RNF180: variants seen among roughly 807,000 people sequenced by gnomAD.
The protein encoded by RNF180 is ring finger protein 180, also known as E3 ubiquitin-protein ligase RNF180.
RNF180 carries 38 observed loss-of-function variants against 59.2 expected under a neutral mutation model. That is an observed-to-expected ratio of 0.64 (90% CI 0.50 to 0.84). The LOEUF (loss-of-function observed/expected upper bound fraction) is 0.84. Among genes scored for constraint, RNF180 ranks in the 40% least tolerant of loss-of-function variants. The pLI, the probability that RNF180 is intolerant of heterozygous loss-of-function variation, is 0.00. For synonymous variants in RNF180, 262 were observed against 240.3 expected (o/e 1.09, Z -0.84); for missense variants, 705 against 700.9 (o/e 1.01, Z -0.07).
chr5:64,282,957 G>T (rs986588458), intron 5 of RNF180, among the ~76,000 whole-genome samples: 3 of 152,212 alleles, frequency 2.0e-5, no homozygotes, highest in African/African-American at 7.2e-5. Context: ...ATATGCAGAT[G>T]TGAAAACTTC....
At chr5:64,342,030 C>G (rs1745372540) in intron 7 of RNF180, among the ~76,000 whole-genome samples, 1 of 152,026 alleles carries the variant, frequency 6.6e-6, no homozygotes. Flanking sequence ...TGACCTGATT[C>G]TGAGTACAAC....
At chr5:64,216,162 C>A (rs1752612075) in intron 4 of RNF180, among the ~76,000 whole-genome samples, 1 of 152,082 alleles carries the variant, frequency 6.6e-6, no homozygotes. Flanking sequence ...CAAACAAATA[C>A]CCAGTGTTTA....
intron 7 of RNF180, among the ~76,000 whole-genome samples, chr5:64,336,994 T>C (rs1745151014): frequency 1.5e-5 from 2 of 137,318 alleles, no homozygotes; most frequent in Non-Finnish European, 3.2e-5. Flanking sequence ...GATTTTCTTT[T>C]TTTGTTGTTG....
chr5:64,354,923 C>A (rs1183729485), intron 7 of RNF180, among the ~76,000 whole-genome samples: 1 of 151,858 alleles, frequency 6.6e-6, no homozygotes, highest in Non-Finnish European at 1.5e-5. Flanking sequence ...AAGACTGCTT[C>A]AACATGACAC....
intron 5 of RNF180, among the ~76,000 whole-genome samples, chr5:64,268,486 G>C: frequency 6.6e-6 from 1 of 152,030 alleles, no homozygotes; most frequent in South Asian, 2.1e-4. Flanking sequence ...GCATAGAGGG[G>C]CAAGAACCTA....
chr5:64,302,326 T>G (rs915725938), intron 5 of RNF180, among the ~76,000 whole-genome samples: 2 of 151,590 alleles, frequency 1.3e-5, no homozygotes, highest in African/African-American at 2.4e-5. Flanking sequence ...GTAGGGATAT[T>G]TATTTATTTA....
At chr5:64,265,367 G>A (rs58322417) in intron 5 of RNF180, among the ~76,000 whole-genome samples, 43,106 of 151,894 alleles carry the variant, frequency 0.28, 6,346 homozygotes, top group African/African-American at 0.35. Context: ...TCAGTCTTAC[G>A]TTTAGGTCTT....
intron 7 of RNF180, among the ~76,000 whole-genome samples, chr5:64,335,898 TTATC>T (rs1745105508): frequency 1.3e-5 from 2 of 152,208 alleles, no homozygotes; most frequent in Non-Finnish European, 2.9e-5. Flanking sequence ...TCAGTGTTGT[TTATC>T]TCTTCATTTG....
At chr5:64,250,604 G>T (rs1743505790) in intron 5 of RNF180, among the ~76,000 whole-genome samples, 1 of 151,792 alleles carries the variant, frequency 6.6e-6, no homozygotes, top group Admixed American at 6.6e-5. Context: ...AACATACAGA[G>T]GATCATAAGA....
chr5:64,231,461 A>T (rs1742096422), intron 5 of RNF180, among the ~76,000 whole-genome samples: 1 of 152,204 alleles, frequency 6.6e-6, no homozygotes, highest in Non-Finnish European at 1.5e-5. Context: ...CACACTCTTT[A>T]TTTATCCTCA....
At chr5:64,206,247 C>G (rs1752011523) in intron 2 of RNF180, among the ~76,000 whole-genome samples, 1 of 152,164 alleles carries the variant, frequency 6.6e-6, no homozygotes. Flanking sequence ...CCAAATTCTA[C>G]TGGGTTCAGA....
intron 1 of RNF180, among the ~76,000 whole-genome samples, chr5:64,188,782 G>A (rs1303742308): frequency 6.6e-5 from 10 of 152,068 alleles, no homozygotes; most frequent in Non-Finnish European, 2.9e-5. Flanking sequence ...ATAAACATGA[G>A]CATTCTAATA....
intron 7 of RNF180, among the ~76,000 whole-genome samples, chr5:64,337,133 A>G (rs1424999480): frequency 3.3e-5 from 5 of 150,168 alleles, no homozygotes; most frequent in Admixed American, 6.6e-5. Flanking sequence ...CCCACCTCAG[A>G]CTCCTGAGTA....
intron 5 of RNF180, among the ~76,000 whole-genome samples, chr5:64,289,842 TG>T (rs1372667885): frequency 6.6e-6 from 1 of 152,096 alleles, no homozygotes; most frequent in African/African-American, 2.4e-5. Context: ...AACCATCTCT[TG>T]GATTTGTTTA....
In RNF180 at chr5:64,333,325, G is replaced by A. The variant is rs566375032; in HGVS notation, c.1579+2919G>A. 1.5e-3 allele frequency among the ~76,000 whole-genome samples: 233 copies of A among 152,150 alleles called. 1 individual carries two copies. Among genetic ancestry groups the A allele is most frequent in the African/African-American group, 5.2e-3 (216 of 41,520 alleles). On this transcript the variant is annotated intron_variant, in intron 7 of 7. Transcript: ENST00000389100. ...CCCAAGTAGCTGGGATTACAGGTGC[G>A]TGCTACCATGCCAAGCTTTTTAGTA...
chr5:64,214,159 A>C lies in RNF180; in HGVS notation c.833A>C (p.Tyr278Ser), dbSNP rs141510885. 1.2e-6 allele frequency: 2 copies of C among 1,614,034 alleles called. No individual in the cohort carries two copies. Among genetic ancestry groups the C allele is most frequent in the African/African-American group, 2.7e-5 (2 of 74,928 alleles). The change falls in exon 4 of 8, where the codon TAT (tyrosine) becomes TCT (serine). Residue 278 changes from tyrosine to serine, a missense_variant. By Grantham distance (144) the Tyr-to-Ser change is moderately radical. Coordinates refer to ENST00000389100, the MANE Select transcript of RNF180 (RefSeq NM_001113561.2). ...GLPLQSSKNS[Y>S]SFQNPSSFDP... ...CCTTTACAATCTAGTAAAAATAGCTATTCCTTTCAGAATCCATCCAGTTTT... is the reference window on the plus strand; with the variant it reads ...CCTTTACAATCTAGTAAAAATAGCTCTTCCTTTCAGAATCCATCCAGTTTT...
In RNF180 at chr5:64,190,051, C is replaced by G. The variant is rs572430175; in HGVS notation, c.1-10757C>G. Among the ~76,000 whole-genome samples, 8 of 152,260 alleles carry G rather than the reference C, an allele frequency of 5.3e-5. No individual in the cohort carries two copies. In the East Asian group the frequency reaches 1.5e-3, roughly 29 times the overall value. ...TTCCTCAGTTTGAGTATAGGGCCATCTCTTCAGTTTTAGCAGTTGAATATT... is the reference window on the plus strand; with the variant it reads ...TTCCTCAGTTTGAGTATAGGGCCATGTCTTCAGTTTTAGCAGTTGAATATT... On this transcript the variant is annotated intron_variant, in intron 1 of 7. Transcript: ENST00000389100.
intron 5 of RNF180, among the ~76,000 whole-genome samples, chr5:64,233,634 T>C (rs933445433): frequency 1.4e-4 from 21 of 152,210 alleles, no homozygotes; most frequent in Admixed American, 9.8e-4. Context: ...ACTGATAGGA[T>C]TGGGAGCTGG....
intron 5 of RNF180, among the ~76,000 whole-genome samples, chr5:64,304,495 A>T (rs1043044228): frequency 1.3e-5 from 2 of 151,592 alleles, no homozygotes; most frequent in African/African-American, 4.8e-5. Context: ...TGCAGCCCTT[A>T]TGGATGACTT....
Sources: allele counts gnomAD v4.1 joint callset (sites outside exome capture counted in the v4.1 genomes callset), GRCh38; gene constraint gnomAD v4.1.1; transcripts MANE v1.5; gene names NCBI Gene and HGNC (gene_info 2026-07-23, HGNC 2026-07-21).